Variants in ZNF721 observed in about 807,000 individuals in gnomAD.
ZNF721 encodes the protein zinc finger protein 721.
In ZNF721, 2 loss-of-function variants were observed where a neutral mutation model predicts 2.4. That is an observed-to-expected ratio of 0.82 (90% CI 0.34 to 2.58). The LOEUF (loss-of-function observed/expected upper bound fraction) is 2.58, where lower values mean the gene tolerates loss of function less well. ZNF721 is among the 30% of genes most tolerant of loss of function. The probability of loss-of-function intolerance (pLI) is 0.11; values close to 1 mark genes in which losing one functional copy is unlikely to be tolerated. For missense variants in ZNF721, 1,187 were observed against 1,085.5 expected (o/e 1.09, Z -1.31); for synonymous variants, 398 against 381.8 (o/e 1.04, Z -0.50).
intron 2 of ZNF721, among the ~76,000 whole-genome samples, chr4:463,736 T>C (rs1715148776): frequency 6.6e-6 from 1 of 151,922 alleles, no homozygotes; most frequent in African/African-American, 2.4e-5. Context: ...AAGGGAAACA[T>C]CACACACCGG....
intron 1 of ZNF721, among the ~76,000 whole-genome samples, chr4:473,343 GCA>G (rs1170555611): frequency 6.6e-6 from 1 of 152,070 alleles, no homozygotes; most frequent in South Asian, 2.1e-4. Flanking sequence ...AGCAGACACA[GCA>G]CACAGAGTCC....
At position 472,647 on chromosome 4, in the gene ZNF721, A is replaced by G. The variant is rs1553867920; in HGVS notation, c.-39T>C. The stretch of plus-strand genomic sequence containing the variant: ...AAATTCTGCTGGGCAGGGTCCAGGC[A>G]TTTCCACTCTTCTGGAGAGAATTCT... On this transcript the variant is annotated 5_prime_UTR_variant, in exon 2 of 3. It removes an upstream start codon present in the reference 5' UTR. Transcript: ENST00000511833. The G allele has an allele frequency of 3.7e-6, 6 of 1,613,914 alleles. No individual in the cohort carries two copies.
At chr4:460,616 A>T (rs1576960729) in intron 2 of ZNF721, among the ~76,000 whole-genome samples, 1 of 147,576 alleles carries the variant, frequency 6.8e-6, no homozygotes, top group East Asian at 2.0e-4. Context: ...TAGAGACACG[A>T]AAGACCCTTT....
At chr4:496,240 T>C (rs749263346) in intron 1 of ZNF721, among the ~76,000 whole-genome samples, 1 of 152,148 alleles carries the variant, frequency 6.6e-6, no homozygotes, top group Non-Finnish European at 1.5e-5. Context: ...CAAGTCAGAA[T>C]GTGTGTCGGA....
chr4:443,545 C>G lies in ZNF721; in HGVS notation c.922G>C (p.Glu308Gln), dbSNP rs1553863680. The G allele has an allele frequency of 6.2e-7, 1 of 1,613,888 alleles. No homozygotes were observed. Among genetic ancestry groups the G allele is most frequent in the Admixed American group, 1.7e-5 (1 of 60,006 alleles). Residue 308 changes from glutamate (E) to glutamine (Q), a missense_variant, in exon 3 of 3, where the codon GAA becomes CAA. By Grantham distance (29) the Glu-to-Gln change is conservative. Coordinates refer to ENST00000511833, the MANE Select transcript of ZNF721 (RefSeq NM_133474.4). ...IHTGEKPYTC[E>Q]VCGKAFRQSA... Reference sequence around the variant, plus strand: ...TGTCTAAAGGCTTTGCCACATACTTCACATGTGTAGGGTTTCTCTCCAGTA... The same window carrying G: ...TGTCTAAAGGCTTTGCCACATACTTGACATGTGTAGGGTTTCTCTCCAGTA...
At chr4:445,250 C>T (rs189936884) in intron 2 of ZNF721, among the ~76,000 whole-genome samples, 198 of 152,240 alleles carry the variant, frequency 1.3e-3, no homozygotes, top group African/African-American at 4.6e-3. Context: ...CCTAAAGTTG[C>T]TGGGATTACA....
At chr4:447,673 TTTAAAAA>T (rs1269699285) in intron 2 of ZNF721, among the ~76,000 whole-genome samples, 2 of 152,122 alleles carry the variant, frequency 1.3e-5, no homozygotes, top group African/African-American at 4.8e-5. Context: ...GATGTAATAA[TTTAAAAA>T]GACTGAAAAA....
In ZNF721 at chr4:480,235, G is replaced by T. The variant is rs1391261166; in HGVS notation, c.-93-7534C>A. Among the ~76,000 whole-genome samples, 4 of 152,158 alleles carry T rather than the reference G, an allele frequency of 2.6e-5. No homozygotes were observed. In the East Asian group the frequency reaches 7.7e-4, roughly 29 times the overall value. ...TCTATTTCTGTTCTTGGCTTGTGCT[G>T]AAGGTTGTTTTACCCTGTTGAGTCA... On this transcript the variant is annotated intron_variant, in intron 1 of 2. Transcript: ENST00000511833.
At chr4:446,025 GA>G (rs1280385330) in intron 2 of ZNF721, among the ~76,000 whole-genome samples, 1 of 151,998 alleles carries the variant, frequency 6.6e-6, no homozygotes, top group Non-Finnish European at 1.5e-5. Flanking sequence ...TAAAAATGAA[GA>G]AAAAGTAAAG....
At chr4:496,029 G>A (rs1716143624) in intron 1 of ZNF721, among the ~76,000 whole-genome samples, 3 of 152,114 alleles carry the variant, frequency 2.0e-5, no homozygotes, top group Non-Finnish European at 4.4e-5. Context: ...TGGTCTGGCT[G>A]GCAAAAAGGT....
chr4:472,492 A>C (rs1715466439), intron 2 of ZNF721, 83 bp downstream of exon 2: 1 of 1,452,730 alleles, frequency 6.9e-7, no homozygotes, highest in Non-Finnish European at 9.3e-7. Flanking sequence ...TTTTATATAG[A>C]TATATCTCAA....
chr4:452,195 G>C (rs1321386579), intron 2 of ZNF721, among the ~76,000 whole-genome samples: 4 of 152,200 alleles, frequency 2.6e-5, no homozygotes, highest in Non-Finnish European at 5.9e-5. Flanking sequence ...CAAATAGCCG[G>C]TCAGGGTAAA....
At chr4:473,445 C>T (rs1553868067) in intron 1 of ZNF721, among the ~76,000 whole-genome samples, 1 of 152,144 alleles carries the variant, frequency 6.6e-6, no homozygotes, top group African/African-American at 2.4e-5. Flanking sequence ...GGAGGAGGCG[C>T]ACAGGGCAAG....
chr4:482,961 ATTG>A (rs1343812084), intron 1 of ZNF721, among the ~76,000 whole-genome samples: 1 of 152,218 alleles, frequency 6.6e-6, no homozygotes, highest in Non-Finnish European at 1.5e-5. Flanking sequence ...CACATTAATA[ATTG>A]TTAACTGGTA....
chr4:491,553 A>T (rs1430239376), intron 1 of ZNF721, among the ~76,000 whole-genome samples: 1 of 152,254 alleles, frequency 6.6e-6, no homozygotes, highest in Non-Finnish European at 1.5e-5. Context: ...CTGAAATGTT[A>T]AATACAGGCA....
intron 1 of ZNF721, among the ~76,000 whole-genome samples, chr4:488,453 G>C (rs1715947581): frequency 2.0e-5 from 3 of 152,176 alleles, no homozygotes; most frequent in Admixed American, 1.3e-4. Context: ...CTAAACTCTG[G>C]AGGGCAAGGC....
intron 2 of ZNF721, among the ~76,000 whole-genome samples, chr4:447,806 T>C (rs1714525593): frequency 6.7e-6 from 1 of 149,386 alleles, no homozygotes. Flanking sequence ...GAAAGGCCAT[T>C]AAACAATAAT....
intron 1 of ZNF721, among the ~76,000 whole-genome samples, chr4:494,283 G>A (rs184927045): frequency 1.3e-4 from 20 of 150,960 alleles, no homozygotes; most frequent in African/African-American, 4.4e-4. Context: ...CTGGGTTCAC[G>A]CCATTCTCCT....
intron 2 of ZNF721, among the ~76,000 whole-genome samples, chr4:460,518 T>G (rs543713929): frequency 6.6e-6 from 1 of 151,020 alleles, no homozygotes; most frequent in Non-Finnish European, 1.5e-5. Flanking sequence ...ATCATCACAA[T>G]TAAAAGAACT....
Sources: allele counts gnomAD v4.1 joint callset (sites outside exome capture counted in the v4.1 genomes callset), GRCh38; gene constraint gnomAD v4.1.1; transcripts MANE v1.5; gene names NCBI Gene and HGNC (gene_info 2026-07-23, HGNC 2026-07-21).